The following CNTN5 variants were observed in gnomAD, a reference collection of about 807,000 sequenced individuals.
CNTN5 encodes the protein contactin 5, also known as contactin-5.
Under a neutral mutation model 129.1 loss-of-function variants are expected in CNTN5, and 77 were observed. That is an observed-to-expected ratio of 0.60 (90% CI 0.50 to 0.72). The LOEUF (loss-of-function observed/expected upper bound fraction) is 0.72. Among genes scored for constraint, CNTN5 ranks in the 30% least tolerant of loss-of-function variants. CNTN5 has a pLI of 0.00. For missense variants in CNTN5, 1,478 were observed against 1,328.8 expected, an observed-to-expected ratio of 1.11 and a Z score of -1.75; for synonymous variants, 509 against 465.6, an observed-to-expected ratio of 1.09 and a Z score of -1.20.
chr11:100,033,205 G>A (rs542702402), intron 9 of CNTN5, among the ~76,000 whole-genome samples: 42 of 152,216 alleles, frequency 2.8e-4, no homozygotes, highest in Non-Finnish European at 5.6e-4. Flanking sequence ...AACTATAAAC[G>A]TCAAATTAGG....
intron 1 of CNTN5, among the ~76,000 whole-genome samples, chr11:99,192,980 A>G (rs928072634): frequency 6.6e-6 from 1 of 152,088 alleles, no homozygotes; most frequent in African/African-American, 2.4e-5. Context: ...TATGAGTAAC[A>G]CTTGAGAAAA....
At chr11:99,689,344 A>G (rs889080083) in intron 3 of CNTN5, among the ~76,000 whole-genome samples, 13 of 151,840 alleles carry the variant, frequency 8.6e-5, no homozygotes, top group Middle Eastern at 3.4e-3. Flanking sequence ...TGGCTAACAC[A>G]GTGAAACCCC....
At chr11:99,672,830 G>T (rs1400233712) in intron 3 of CNTN5, among the ~76,000 whole-genome samples, 1 of 151,816 alleles carries the variant, frequency 6.6e-6, no homozygotes, top group African/African-American at 2.4e-5. Context: ...ATGGGGAGGA[G>T]AAACAATTCC....
intron 3 of CNTN5, among the ~76,000 whole-genome samples, chr11:99,695,091 A>C (rs1954212749): frequency 6.6e-6 from 1 of 152,108 alleles, no homozygotes; most frequent in Non-Finnish European, 1.5e-5. Context: ...AATTTGTTGC[A>C]GAAATCCCAC....
At chr11:99,724,698 C>T (rs1433826090) in intron 3 of CNTN5, among the ~76,000 whole-genome samples, 1 of 151,964 alleles carries the variant, frequency 6.6e-6, no homozygotes, top group Non-Finnish European at 1.5e-5. Context: ...TTTTAGTTAT[C>T]GGTAAATGCA....
intron 1 of CNTN5, among the ~76,000 whole-genome samples, chr11:99,215,319 A>T (rs1479240006): frequency 6.6e-6 from 1 of 152,188 alleles, no homozygotes; most frequent in Non-Finnish European, 1.5e-5. Context: ...ATGGAAACAC[A>T]GAGAGCAATG....
At chr11:100,151,901 G>A (rs1442827617) in intron 13 of CNTN5, among the ~76,000 whole-genome samples, 1 of 152,082 alleles carries the variant, frequency 6.6e-6, no homozygotes, top group Non-Finnish European at 1.5e-5. Context: ...AAGCCTCTTG[G>A]CAGGTGGGTT....
chr11:99,998,364 G>GACAA, intron 8 of CNTN5, among the ~76,000 whole-genome samples: 1 of 138,622 alleles, frequency 7.2e-6, no homozygotes, highest in East Asian at 2.1e-4. Flanking sequence ...ACCAATAACA[G>GACAA]ACAAACAGAG....
At chr11:99,194,066 A>G (rs1006227065) in intron 1 of CNTN5, among the ~76,000 whole-genome samples, 1 of 152,222 alleles carries the variant, frequency 6.6e-6, no homozygotes, top group Admixed American at 6.5e-5. Flanking sequence ...TAATTTTAAA[A>G]TAAGATACTT....
intron 6 of CNTN5, among the ~76,000 whole-genome samples, chr11:99,891,319 G>A (rs1456275220): frequency 6.6e-6 from 1 of 151,268 alleles, no homozygotes; most frequent in South Asian, 2.1e-4. Context: ...ATTTTTTGAT[G>A]TCCCAATATC....
intron 3 of CNTN5, among the ~76,000 whole-genome samples, chr11:99,778,984 T>C (rs548939846): frequency 5.3e-5 from 8 of 151,980 alleles, no homozygotes; most frequent in Non-Finnish European, 1.0e-4. Flanking sequence ...AGAGATTATA[T>C]AGTGTTTTAT....
chr11:100,199,269 A>G (rs1948718895), intron 15 of CNTN5, among the ~76,000 whole-genome samples: 1 of 151,864 alleles, frequency 6.6e-6, no homozygotes, highest in Admixed American at 6.6e-5. Context: ...TAGCATTCAC[A>G]CTTTCATGTA....
chr11:99,352,258 C>A (rs2136084535), intron 2 of CNTN5, among the ~76,000 whole-genome samples: 1 of 152,258 alleles, frequency 6.6e-6, no homozygotes, highest in Non-Finnish European at 1.5e-5. Flanking sequence ...ATTAAAAAGG[C>A]AGTCTGCAAC....
chr11:100,316,961 C>T (rs1466779538), intron 21 of CNTN5, among the ~76,000 whole-genome samples: 1 of 152,156 alleles, frequency 6.6e-6, no homozygotes, highest in African/African-American at 2.4e-5. Flanking sequence ...CTAAAAGGCA[C>T]CTCTAGCAAC....
At chr11:99,550,352 C>T (rs1948441492) in intron 2 of CNTN5, among the ~76,000 whole-genome samples, 1 of 152,150 alleles carries the variant, frequency 6.6e-6, no homozygotes, top group African/African-American at 2.4e-5. Flanking sequence ...ATAACTTTGG[C>T]CACATTTTGT....
rs560832234 is a variant in CNTN5, at chr11:99,388,565, T to C, written c.-71+63081T>C. Among the ~76,000 whole-genome samples the C allele has an allele frequency of 2.6e-5, 4 of 152,322 alleles. No homozygotes were observed. The South Asian group carries it at 6.2e-4, about 24-fold the overall frequency. Reference sequence around the variant, plus strand: ...AATCAATAAATCAACAAATATGAACTGATTTGTCTTGCTTACCAGGACAAG... The same window carrying C: ...AATCAATAAATCAACAAATATGAACCGATTTGTCTTGCTTACCAGGACAAG... On this transcript the variant is annotated intron_variant, in intron 2 of 24. Coordinates refer to ENST00000524871, the MANE Select transcript of CNTN5 (RefSeq NM_014361.4).
At chr11:100,108,361 T>C (rs1945528072) in intron 13 of CNTN5, among the ~76,000 whole-genome samples, 2 of 151,808 alleles carry the variant, frequency 1.3e-5, no homozygotes, top group Admixed American at 1.3e-4. Flanking sequence ...GAGATTGAGG[T>C]AGGAAGCAGA....
chr11:99,770,997 A>G (rs1231667577), intron 3 of CNTN5, among the ~76,000 whole-genome samples: 1 of 152,122 alleles, frequency 6.6e-6, no homozygotes, highest in Non-Finnish European at 1.5e-5. Flanking sequence ...TCATACATTT[A>G]TGGTCAAACT....
At chr11:99,225,178 T>G (rs189544860) in intron 1 of CNTN5, among the ~76,000 whole-genome samples, 1 of 152,118 alleles carries the variant, frequency 6.6e-6, no homozygotes, top group Admixed American at 6.6e-5. Flanking sequence ...ATTAAGGAGA[T>G]GAAGAGTAAT....
Sources: allele counts gnomAD v4.1 joint callset (sites outside exome capture counted in the v4.1 genomes callset), GRCh38; gene constraint gnomAD v4.1.1; transcripts MANE v1.5; gene names NCBI Gene and HGNC (gene_info 2026-07-23, HGNC 2026-07-21).